Variants in NLRP1 observed in about 807,000 individuals in gnomAD.
The protein encoded by NLRP1 is NACHT, LRR and PYD domains-containing protein 1.
In NLRP1, 94 loss-of-function variants were observed where a neutral mutation model predicts 136.7. The ratio of observed to expected loss-of-function variants is 0.69; its 90% CI spans 0.58 to 0.82. The LOEUF is 0.82. Ranked by LOEUF, NLRP1 falls within the 40% of genes least tolerant of loss-of-function variation. NLRP1 has a pLI of 0.00. For synonymous variants in NLRP1, 690 were observed against 725.1 expected, an observed-to-expected ratio of 0.95 and a Z score of 0.78; for missense variants, 1,575 against 1,802.7, an observed-to-expected ratio of 0.87 and a Z score of 2.29.
intron 7 of NLRP1, 95 bp downstream of exon 7, chr17:5,539,320 G>T (rs1911533952): frequency 4.2e-6 from 5 of 1,184,422 alleles, no homozygotes; most frequent in Non-Finnish European, 5.8e-6. Flanking sequence ...AAGAAACTTG[G>T]GTTGGCTATG....
rs1816981750 is a variant in NLRP1, at chr17:5,520,902, C to T, written c.3894G>A (p.Gly1298=). Residue 1298 remains glycine (G), a synonymous_variant, in exon 14 of 17, where the codon GGG becomes GGA. Transcript: ENST00000572272. The part of the protein sequence containing the change: ...CRYTVSGSGS[G]MLEILPKELE... ...TCACCTTGGGGAGTATTTCCAGCAT[C>T]CCTGAACCAGACCCAGACACAGTGT... 5.0e-6 allele frequency: 8 copies of T among 1,607,300 alleles called. No individual in the cohort carries two copies. The highest frequency in any genetic ancestry group is 1.7e-4 in the Middle Eastern group (1 of 6,028).
chr17:5,545,354 A>C (rs1007820988), intron 5 of NLRP1, among the ~76,000 whole-genome samples: 3 of 144,192 alleles, frequency 2.1e-5, no homozygotes, highest in East Asian at 3.6e-4. Flanking sequence ...ACACACACAC[A>C]CACAGACACC....
At position 5,558,756 on chromosome 17, in the gene NLRP1, G is replaced by A; in HGVS notation, c.1940C>T (p.Ser647Phe). The A allele has an allele frequency of 6.2e-7, 1 of 1,614,104 alleles. No homozygotes were observed. Among genetic ancestry groups the A allele is most frequent in the Non-Finnish European group, 8.5e-7 (1 of 1,180,006 alleles). The stretch of plus-strand genomic sequence containing the variant: ...CTTTTCCAAATCTATGATGCAATTA[G>A]AATGTTTACCTCTCCCCTTCTCATC... Reference protein sequence around the residue: ...LEDEKGRGKHSNCIIDLEKTL... With the variant: ...LEDEKGRGKHFNCIIDLEKTL... The change falls in exon 4 of 17, where the codon TCT becomes TTT. Residue 647 changes from serine to phenylalanine, a missense_variant. By Grantham distance (155) the Ser-to-Phe change is radical. Transcript: ENST00000572272.
chr17:5,555,783 T>C (rs531016012), intron 4 of NLRP1, among the ~76,000 whole-genome samples: 3 of 152,240 alleles, frequency 2.0e-5, no homozygotes, highest in South Asian at 4.1e-4. Context: ...AAAATGGTGT[T>C]GTATCAGACT....
intron 12 of NLRP1, among the ~76,000 whole-genome samples, chr17:5,525,128 C>T (rs1164941876): frequency 6.6e-6 from 1 of 152,098 alleles, no homozygotes; most frequent in Non-Finnish European, 1.5e-5. Flanking sequence ...CTGGTTGCAC[C>T]AGAAAAATTT....
chr17:5,541,792 C>A lies in NLRP1; in HGVS notation c.2699+65G>T. The A allele has an allele frequency of 3.9e-6, 6 of 1,535,102 alleles. No homozygotes were observed. The highest frequency in any genetic ancestry group is 5.4e-6 in the Non-Finnish European group (6 of 1,115,186). On this transcript the variant is annotated intron_variant, in intron 6 of 16. Coordinates refer to ENST00000572272, the MANE Select transcript of NLRP1 (RefSeq NM_033004.4). The surrounding 1 kb of genome is among the most constrained non-coding windows in gnomAD (Gnocchi z 4.2). ...GGTCTCACCTTCTCTCTGCTCTTAC[C>A]CTCTGCCTGCCTCATGGTGGCAGGC...
chr17:5,582,703 G>A lies in NLRP1; in HGVS notation c.415C>T (p.Gln139Ter). The A allele has an allele frequency of 6.2e-7, 1 of 1,614,142 alleles. No individual in the cohort carries two copies. The highest frequency in any genetic ancestry group is 8.5e-7 in the Non-Finnish European group (1 of 1,180,022). Residue 139 changes from glutamine to a stop codon, truncating the protein, a stop_gained, in exon 2 of 17, where the codon CAG becomes TAG. Transcript: ENST00000572272. LOFTEE classifies it high-confidence loss of function. ...TQGSERRVLR[Q>*]LPDTSGRRWR... The stretch of plus-strand genomic sequence containing the variant: ...CGGCGTCCAGATGTGTCAGGCAGCT[G>A]TCTCAAAACCCTTCTCTCTGAGCCC...
intron 3 of NLRP1, among the ~76,000 whole-genome samples, chr17:5,580,104 G>A (rs552228340): frequency 2.4e-4 from 36 of 152,084 alleles, no homozygotes; most frequent in African/African-American, 7.7e-4. Context: ...GCTTCGTGGC[G>A]GGCACCTGTA....
chr17:5,502,055 G>C, intron 15 of NLRP1: 1 of 590,010 alleles, frequency 1.7e-6, no homozygotes, highest in Non-Finnish European at 3.1e-6. Flanking sequence ...GCTGTAACCA[G>C]GGTGCTGTTC....
chr17:5,564,887 G>A (rs963031907), intron 3 of NLRP1, among the ~76,000 whole-genome samples: 26 of 152,008 alleles, frequency 1.7e-4, no homozygotes, highest in Admixed American at 1.4e-3. Context: ...ACAGGTGCCC[G>A]CCACTGCACC....
In NLRP1 at chr17:5,533,971, G is replaced by T; in HGVS notation, c.2978C>A (p.Thr993Asn). 1 of 1,611,522 alleles carries T rather than the reference G, an allele frequency of 6.2e-7. No individual in the cohort carries two copies. Among genetic ancestry groups the T allele is most frequent in the Non-Finnish European group, 8.5e-7 (1 of 1,177,646 alleles). ...TCCCGTATCCAGGCCCTCAGTAGGG[G>T]TCATCACACTTGGTTTCCTGGACAA... ...IFSRRKPSVMTPTEGLDTGEM... is the reference protein window; with the variant it reads ...IFSRRKPSVMNPTEGLDTGEM... Residue 993 changes from threonine to asparagine, a missense_variant, in exon 9 of 17, where the codon ACC (threonine) becomes AAC (asparagine). Transcript: ENST00000572272.
intron 2 of NLRP1, 34 bp downstream of exon 2, chr17:5,582,636 C>T (rs1905803964): frequency 2.5e-6 from 4 of 1,605,294 alleles, no homozygotes; most frequent in Non-Finnish European, 3.4e-6. Flanking sequence ...CACAGCTCCA[C>T]CCAGGGCTGT....
intron 3 of NLRP1, among the ~76,000 whole-genome samples, chr17:5,573,145 T>C (rs1904607654): frequency 6.6e-6 from 1 of 152,192 alleles, no homozygotes; most frequent in African/African-American, 2.4e-5. Flanking sequence ...CAACGGTCTT[T>C]GCAAACGGCA....
chr17:5,514,548 A>G lies in NLRP1; in HGVS notation c.*206T>C, dbSNP rs1415912029. On this transcript the variant is annotated 3_prime_UTR_variant, in exon 17 of 17. Transcript: ENST00000572272. ...GCCAGCTCCAGATGGACATTCCCTG[A>G]GATGCTGTTAGGCCACCTGGACTGG... The G allele has an allele frequency of 1.4e-6, 2 of 1,424,540 alleles. No homozygotes were observed. The highest frequency in any genetic ancestry group is 2.9e-5 in the African/African-American group (2 of 69,464). The allele number at this position is 1,424,540 out of a possible 1,614,324, so 88.2% of individuals were successfully genotyped here.
At chr17:5,516,804 T>G in intron 15 of NLRP1, among the ~76,000 whole-genome samples, 1 of 152,104 alleles carries the variant, frequency 6.6e-6, no homozygotes, top group East Asian at 1.9e-4. Context: ...AAGCCAGGAT[T>G]CAGTAAAGCC....
chr17:5,571,649 A>G (rs992209950), intron 3 of NLRP1, among the ~76,000 whole-genome samples: 10 of 152,226 alleles, frequency 6.6e-5, no homozygotes, highest in African/African-American at 1.9e-4. Context: ...AGGAATAATC[A>G]ATATTGTTAA....
chr17:5,539,347 T>C, intron 7 of NLRP1, 68 bp downstream of exon 7: 1 of 1,470,644 alleles, frequency 6.8e-7, no homozygotes, highest in East Asian at 2.3e-5. Flanking sequence ...TCAGTCCTTT[T>C]TCCATCCCCT....
At chr17:5,519,594 C>T (rs537991041) in intron 14 of NLRP1, among the ~76,000 whole-genome samples, 2 of 150,362 alleles carry the variant, frequency 1.3e-5, no homozygotes, top group Admixed American at 1.3e-4. Context: ...TTACAGGTGC[C>T]TCTCACCATG....
intron 14 of NLRP1, among the ~76,000 whole-genome samples, chr17:5,520,148 G>A (rs1042780100): frequency 1.3e-5 from 2 of 152,006 alleles, no homozygotes; most frequent in Non-Finnish European, 2.9e-5. Context: ...GAGCCACCGC[G>A]CCTGGCTGTA....
Sources: allele counts gnomAD v4.1 joint callset (sites outside exome capture counted in the v4.1 genomes callset), GRCh38; gene constraint gnomAD v4.1.1; non-coding constraint Gnocchi (gnomAD v3.1); transcripts MANE v1.5; gene names NCBI Gene and HGNC (gene_info 2026-07-23, HGNC 2026-07-21).